The following SP2 variants were observed in gnomAD, a reference collection of about 807,000 sequenced individuals.
The protein encoded by SP2 is transcription factor Sp2.
Under a neutral mutation model 50.1 loss-of-function variants are expected in SP2, and 9 were observed. That is an observed-to-expected ratio of 0.18 (90% CI 0.11 to 0.31). The LOEUF is 0.31. Among genes scored for constraint, SP2 ranks in the 10% least tolerant of loss-of-function variants. SP2 has a pLI of 1.00. For synonymous variants in SP2, 313 were observed against 326.6 expected (o/e 0.96, Z 0.45); for missense variants, 581 against 806.5 (o/e 0.72, Z 3.39).
At chr17:47,900,162 C>G (rs933503158) in intron 1 of SP2, 6 of 152,216 alleles carry the variant, frequency 3.9e-5, no homozygotes, top group African/African-American at 1.2e-4. Flanking sequence ...AAAAATGGCT[C>G]AGGAGGAGCC....
At chr17:47,897,352 A>C (rs2034380610) in intron 1 of SP2, 1 of 152,238 alleles carries the variant, frequency 6.6e-6, no homozygotes, top group African/African-American at 2.4e-5. Context: ...AATTAACTTC[A>C]TCCAAGGGGA....
At position 47,904,475 on chromosome 17, in the gene SP2, G is replaced by C. The variant is rs552433602; in HGVS notation, c.7+8182G>C. Among the ~76,000 whole-genome samples, 18 of 152,088 alleles carry C rather than the reference G, an allele frequency of 1.2e-4. No individual in the cohort carries two copies. In the South Asian group the frequency reaches 2.9e-3, roughly 25 times the overall value. ...CTTGAAGAGAAGGGGAGACATAATG[G>C]ATCTTAGCTGATGAGGGAAATTTTA... On this transcript the variant is annotated intron_variant, in intron 1 of 6. Coordinates refer to ENST00000376741, the MANE Select transcript of SP2 (RefSeq NM_003110.6).
intron 5 of SP2, 42 bp from the exon 6 acceptor site, chr17:47,925,306 C>G: frequency 1.3e-6 from 2 of 1,568,638 alleles, no homozygotes; most frequent in Non-Finnish European, 1.7e-6. Flanking sequence ...CTTTTCTCTC[C>G]TCTTCCTATT....
In SP2 at chr17:47,925,495, G is replaced by A. The variant is rs2035611376; in HGVS notation, c.1695G>A (p.Arg565=). The A allele has an allele frequency of 5.6e-6, 9 of 1,614,188 alleles. No homozygotes were observed. In the South Asian group the frequency reaches 7.7e-5, roughly 14 times the overall value. The change falls in exon 6 of 7, where the codon AGG becomes AGA. Residue 565 remains arginine, a synonymous_variant. Transcript: ENST00000376741. ...GCAACTGGTTCTTCTGTGGGAAGAG[G>A]TTCACACGGAGTGACGAGCTCCAAC... is the stretch of plus-strand genomic sequence containing the variant. ...FVCNWFFCGK[R]FTRSDELQRH...
rs1380773021 is a variant in SP2 at position 47,916,179 on chromosome 17, C to T, written c.108C>T (p.Ala36=). ...TTQDSQPSPL[A]LLAATCSKIG... is the part of the protein sequence containing the mutation. ...AGGACTCCCAGCCATCTCCCTTAGC[C>T]CTGCTTGCTGCAACATGTAGCAAAA... is the stretch of plus-strand genomic sequence containing the variant. The change falls in exon 3 of 7, where the codon GCC becomes GCT. Residue 36 remains alanine, a synonymous_variant. Transcript: ENST00000376741. The surrounding 1 kb of genome is among the most constrained non-coding windows in gnomAD (Gnocchi z 4.7). 6.2e-7 allele frequency: 1 copy of T among 1,612,216 alleles called. No homozygotes were observed.
At position 47,912,119 on chromosome 17, in the gene SP2, A is replaced by G. The variant is rs950649684; in HGVS notation, c.8-3193A>G. On this transcript the variant is annotated intron_variant, in intron 1 of 6. Coordinates refer to ENST00000376741, the MANE Select transcript of SP2 (RefSeq NM_003110.6). ...CCAAAACCCTACAAAAAAGAAACAG[A>G]TTTGTTCAGCATGACCTGTTCTTCT... 1.7e-4 allele frequency among the ~76,000 whole-genome samples: 26 copies of G among 152,168 alleles called. 1 individual carries two copies. Among genetic ancestry groups the G allele is most frequent in the Admixed American group, 1.4e-3 (21 of 15,284 alleles).
chr17:47,905,397 A>G (rs2034716797), intron 1 of SP2, among the ~76,000 whole-genome samples: 1 of 152,220 alleles, frequency 6.6e-6, no homozygotes, highest in Admixed American at 6.5e-5. Flanking sequence ...GGGAAATACC[A>G]TAGCAAAAAG....
chr17:47,907,071 T>C (rs1184231580), intron 1 of SP2, among the ~76,000 whole-genome samples: 8 of 151,842 alleles, frequency 5.3e-5, no homozygotes, highest in South Asian at 2.1e-4. Flanking sequence ...AGAGGGGCTA[T>C]TGGATTGAGC....
At chr17:47,922,827 A>C in intron 3 of SP2, 135 bp from the exon 4 acceptor site, 1 of 726,920 alleles carries the variant, frequency 1.4e-6, no homozygotes, top group Non-Finnish European at 2.3e-6. Context: ...AGCTGTGTAT[A>C]AATGTAGGTT....
At chr17:47,925,757 T>C (rs1297786758) in intron 6 of SP2, among the ~76,000 whole-genome samples, 1 of 152,212 alleles carries the variant, frequency 6.6e-6, no homozygotes, top group East Asian at 1.9e-4. Flanking sequence ...ATAGTTGTCA[T>C]TGCATGACAC....
At position 47,916,275 on chromosome 17, in the gene SP2, C is replaced by T; in HGVS notation, c.204C>T (p.Val68=). The change falls in exon 3 of 7, where the codon GTC becomes GTT. Residue 68 remains valine, a synonymous_variant. Coordinates refer to ENST00000376741, the MANE Select transcript of SP2 (RefSeq NM_003110.6). This position sits in a 1 kb window ranked among gnomAD's most constrained non-coding sequence, Gnocchi z 4.7. The part of the protein sequence containing the change: ...APPQPTPRKL[V]PIKPAPLPLS... ...CACAGCCCACACCGCGGAAACTTGT[C>T]CCTATCAAACCTGCCCCTCTCCCTC... The T allele has an allele frequency of 6.2e-7, 1 of 1,614,098 alleles. No individual in the cohort carries two copies. The highest frequency in any genetic ancestry group is 2.2e-5 in the East Asian group (1 of 44,874).
chr17:47,915,238 G>T (rs1245521597), intron 1 of SP2, 74 bp from the exon 2 acceptor site: 13 of 1,056,478 alleles, frequency 1.2e-5, no homozygotes, highest in South Asian at 6.2e-5. Context: ...TAGAAAAAAA[G>T]AAAATCTGAG....
chr17:47,918,612 A>G (rs1007900731), intron 3 of SP2: 4 of 152,208 alleles, frequency 2.6e-5, no homozygotes, highest in African/African-American at 9.7e-5. Flanking sequence ...ATTTAGCTAC[A>G]GTATTATTTT....
intron 1 of SP2, among the ~76,000 whole-genome samples, chr17:47,910,179 A>AAACC (rs2143874718): frequency 6.6e-6 from 1 of 152,320 alleles, no homozygotes; most frequent in Non-Finnish European, 1.5e-5. Flanking sequence ...TCTTTGCCAA[A>AAACC]CTTGGGTGGT....
rs908193464 is a variant in SP2 at position 47,916,291 on chromosome 17, C to T, written c.220C>T (p.Pro74Ser). Reference sequence around the variant, plus strand: ...GAAACTTGTCCCTATCAAACCTGCCCCTCTCCCTCTCAGCCCCGGCAAGAA... The same window carrying T: ...GAAACTTGTCCCTATCAAACCTGCCTCTCTCCCTCTCAGCCCCGGCAAGAA... ...PRKLVPIKPAPLPLSPGKNSF... is the reference protein window; with the variant it reads ...PRKLVPIKPASLPLSPGKNSF... Residue 74 changes from proline (P) to serine (S), a missense_variant, in exon 3 of 7, where the codon CCT becomes TCT. Transcript: ENST00000376741. The surrounding 1 kb of genome is among the most constrained non-coding windows in gnomAD (Gnocchi z 4.7). 6.2e-7 allele frequency: 1 copy of T among 1,613,974 alleles called. No homozygotes were observed. The highest frequency in any genetic ancestry group is 8.5e-7 in the Non-Finnish European group (1 of 1,180,026).
chr17:47,899,023 T>G (rs1133221), intron 1 of SP2: 11,922 of 152,316 alleles, frequency 0.078, 569 homozygotes, highest in East Asian at 0.22. Context: ...CATTTTGGAA[T>G]GCATTTGTTG....
At chr17:47,922,072 C>T (rs985253966) in intron 3 of SP2, among the ~76,000 whole-genome samples, 15 of 152,154 alleles carry the variant, frequency 9.9e-5, no homozygotes, top group African/African-American at 2.9e-4. Context: ...CACAGTGTTC[C>T]GTCTAGCCTT....
intron 1 of SP2, chr17:47,897,243 G>A (rs957788682): frequency 6.6e-6 from 1 of 152,168 alleles, no homozygotes; most frequent in Non-Finnish European, 1.5e-5. Flanking sequence ...TCTAATTTTA[G>A]TTCAGAAGGA....
At chr17:47,931,440 AT>A (rs1374438839), downstream of SP2, among the ~76,000 whole-genome samples, 1 of 152,192 alleles carries the variant, frequency 6.6e-6, no homozygotes, top group African/African-American at 2.4e-5. Flanking sequence ...CACACGACAT[AT>A]TTTGAGGAAG....
Sources: gnomAD v4.1 joint callset for allele counts (sites outside exome capture counted in the v4.1 genomes callset) on GRCh38, gnomAD v4.1.1 for gene constraint, Gnocchi (gnomAD v3.1) non-coding constraint, MANE v1.5 for transcripts, NCBI Gene and HGNC (gene_info 2026-07-23, HGNC 2026-07-21) for gene names.